The following NCAM1 variants were observed in gnomAD, a reference collection of about 807,000 sequenced individuals.
NCAM1 encodes the protein neural cell adhesion molecule 1, also known as antigen recognized by monoclonal antibody 5.1H11.
NCAM1 carries 14 observed loss-of-function variants against 109.8 expected under a neutral mutation model. The observed-to-expected ratio is 0.13, with a 90% CI of 0.08 to 0.20. NCAM1 has a LOEUF of 0.20. Ranked by LOEUF, NCAM1 falls within the 10% of genes least tolerant of loss-of-function variation. NCAM1 has a pLI of 1.00. For synonymous variants in NCAM1, 418 were observed against 442.9 expected (o/e 0.94, Z 0.70); for missense variants, 774 against 1,109.9 (o/e 0.70, Z 4.30).
chr11:113,072,652 G>C (rs951234096), intron 1 of NCAM1, among the ~76,000 whole-genome samples: 6 of 151,700 alleles, frequency 4.0e-5, no homozygotes, highest in Admixed American at 2.6e-4. Context: ...AATATAATCT[G>C]TGACTTGATT....
intron 1 of NCAM1, among the ~76,000 whole-genome samples, chr11:112,984,472 C>T (rs540102306): frequency 8.9e-4 from 135 of 152,004 alleles, no homozygotes; most frequent in Non-Finnish European, 1.8e-3. Flanking sequence ...AACCCCCATT[C>T]TGTTTTCTAC....
intron 1 of NCAM1, among the ~76,000 whole-genome samples, chr11:112,973,765 C>T (rs782747530): frequency 3.3e-5 from 5 of 152,042 alleles, no homozygotes; most frequent in African/African-American, 7.2e-5. Context: ...ATATACAATT[C>T]GCGTTGGATT....
intron 1 of NCAM1, among the ~76,000 whole-genome samples, chr11:113,154,004 C>T (rs1353025109): frequency 6.6e-6 from 1 of 152,226 alleles, no homozygotes; most frequent in Non-Finnish European, 1.5e-5. Flanking sequence ...CAATGCATAT[C>T]TGAACAGAAC....
rs1288543153 is a variant in NCAM1 at position 113,252,243 on chromosome 11, A to G, written c.1829-3634A>G. ...AGCCTCAGTAACACAGTGAGACCCCATCTCTACAAAAAATTAGCCGAGTGT... is the reference window on the plus strand; with the variant it reads ...AGCCTCAGTAACACAGTGAGACCCCGTCTCTACAAAAAATTAGCCGAGTGT... On this transcript the variant is annotated intron_variant, in intron 15 of 19. Transcript: ENST00000316851. 2.0e-5 allele frequency among the ~76,000 whole-genome samples: 3 copies of G among 152,126 alleles called. No individual in the cohort carries two copies. The South Asian group carries it at 6.2e-4, about 32-fold the overall frequency.
At chr11:113,253,917 G>C (rs1463673040) in intron 15 of NCAM1, among the ~76,000 whole-genome samples, 1 of 152,110 alleles carries the variant, frequency 6.6e-6, no homozygotes, top group East Asian at 1.9e-4. Flanking sequence ...TGAACTTGCA[G>C]TGCTAAAACC....
At chr11:113,056,285 G>T (rs1953711556) in intron 1 of NCAM1, among the ~76,000 whole-genome samples, 1 of 151,624 alleles carries the variant, frequency 6.6e-6, no homozygotes. Flanking sequence ...TTGATTAATG[G>T]TTGCAAAACT....
At chr11:113,242,954 A>T in intron 14 of NCAM1, 1 of 1,589,380 alleles carries the variant, frequency 6.3e-7, no homozygotes, top group African/African-American at 1.3e-5. Context: ...TAAAAGCAAC[A>T]GTTGTGAATG....
Position 113,277,565 on chromosome 11 carries a change from G to A in NCAM1, c.*2178G>A. 1 of 397,460 alleles carries A rather than the reference G, an allele frequency of 2.5e-6. No individual in the cohort carries two copies. The allele number at this position is 397,460 out of a possible 1,614,324, so 24.6% of individuals were successfully genotyped here. A position where few individuals can be genotyped will look rare whatever the true frequency, so the allele number is the denominator to read the frequency against. ...GCTCTTCTGGTCACCAGGCTGTTCA[G>A]TGGACTCAGTTCTTCATCTTGTAAT... On this transcript the variant is annotated 3_prime_UTR_variant, in exon 20 of 20. Coordinates refer to ENST00000316851, the MANE Select transcript of NCAM1 (RefSeq NM_181351.5).
intron 1 of NCAM1, among the ~76,000 whole-genome samples, chr11:113,098,114 T>C (rs1028247418): frequency 2.6e-4 from 40 of 152,228 alleles, no homozygotes; most frequent in Admixed American, 1.6e-3. Flanking sequence ...CTAAGTGATC[T>C]AAGTGCCAGG....
At chr11:113,248,277 A>G (rs1555120649) in intron 15 of NCAM1, among the ~76,000 whole-genome samples, 1 of 151,062 alleles carries the variant, frequency 6.6e-6, no homozygotes, top group Non-Finnish European at 1.5e-5. Context: ...TTACAAAGCT[A>G]TGATTACGCC....
chr11:113,211,302 TTAGA>T (rs1363807301), intron 7 of NCAM1, among the ~76,000 whole-genome samples: 2 of 152,134 alleles, frequency 1.3e-5, no homozygotes, highest in African/African-American at 4.8e-5. Context: ...AACCTGTAGC[TTAGA>T]TAGTAAAGAA....
chr11:113,115,350 T>C (rs1940653076), intron 1 of NCAM1, among the ~76,000 whole-genome samples: 1 of 152,230 alleles, frequency 6.6e-6, no homozygotes, highest in South Asian at 2.1e-4. Flanking sequence ...TCCACATTCC[T>C]GGTAAAGGTT....
chr11:113,271,699 T>C (rs1248916437), intron 18 of NCAM1, 61 bp from the exon 19 acceptor site: 14 of 1,328,758 alleles, frequency 1.1e-5, no homozygotes, highest in Non-Finnish European at 1.4e-5. Context: ...ATAGCTGCTC[T>C]TCCGTGGGAG....
In NCAM1 at chr11:113,207,206, C is replaced by T. The variant is rs1031608349; in HGVS notation, c.629-55C>T. 325 of 1,425,852 alleles carry T rather than the reference C, an allele frequency of 2.3e-4. 2 individuals are homozygous for T. Among genetic ancestry groups the T allele is most frequent in the Non-Finnish European group, 9.8e-5 (99 of 1,011,212 alleles). 88.3% of individuals were successfully genotyped at this position (1,425,852 alleles called of 1,614,324 possible). On this transcript the variant is annotated intron_variant, in intron 5 of 19. Coordinates refer to ENST00000316851, the MANE Select transcript of NCAM1 (RefSeq NM_181351.5). ...CTGGAGTGGTGTCTCTTCTCCAGGC[C>T]ATTGGGTTCTTCCAAATTTTCACAA...
chr11:113,240,838 G>A (rs781895521), intron 14 of NCAM1: 8 of 1,612,692 alleles, frequency 5.0e-6, no homozygotes, highest in South Asian at 2.2e-5. Context: ...CAGATAGTGA[G>A]TATCATTTTC....
At chr11:113,024,835 T>C (rs1480154575) in intron 1 of NCAM1, among the ~76,000 whole-genome samples, 1 of 152,188 alleles carries the variant, frequency 6.6e-6, no homozygotes, top group Non-Finnish European at 1.5e-5. Flanking sequence ...GTTTAGGATA[T>C]TTTCACTCAC....
chr11:113,262,309 T>C (rs954152455), intron 17 of NCAM1, among the ~76,000 whole-genome samples: 2 of 152,234 alleles, frequency 1.3e-5, no homozygotes. Context: ...GTGTGCTGAC[T>C]CATAGTGCAG....
At chr11:113,245,303 A>G (rs1555119967) in intron 14 of NCAM1, among the ~76,000 whole-genome samples, 2 of 152,142 alleles carry the variant, frequency 1.3e-5, no homozygotes, top group African/African-American at 4.8e-5. Flanking sequence ...TTAGCTGGGT[A>G]TAGTAGCAGA....
rs1276340374 is a variant in NCAM1 at position 112,962,282 on chromosome 11, C to T, written c.52+618C>T. Reference sequence around the variant, plus strand: ...GTGACCGTTGTTGCACCCCAGTCGACATGACGTTAGTTTTTCATTTGCCAA... The same window carrying T: ...GTGACCGTTGTTGCACCCCAGTCGATATGACGTTAGTTTTTCATTTGCCAA... On this transcript the variant is annotated intron_variant, in intron 1 of 19. Transcript: ENST00000316851. This position sits in a 1 kb window ranked among gnomAD's most constrained non-coding sequence, Gnocchi z 5.6. Among the ~76,000 whole-genome samples, 8 of 152,198 alleles carry T rather than the reference C, an allele frequency of 5.3e-5. No homozygotes were observed. Among genetic ancestry groups the T allele is most frequent in the African/African-American group, 1.9e-4 (8 of 41,462 alleles).
Sources: allele counts gnomAD v4.1 joint callset (sites outside exome capture counted in the v4.1 genomes callset), GRCh38; gene constraint gnomAD v4.1.1; non-coding constraint Gnocchi (gnomAD v3.1); transcripts MANE v1.5; gene names NCBI Gene and HGNC (gene_info 2026-07-23, HGNC 2026-07-21).